Variants in METAP1D observed in about 807,000 individuals in gnomAD.
METAP1D encodes the protein methionyl aminopeptidase type 1D, mitochondrial.
METAP1D carries 31 observed loss-of-function variants against 40.5 expected under a neutral mutation model. The ratio of observed to expected loss-of-function variants is 0.77; its 90% CI spans 0.58 to 1.03. METAP1D has a LOEUF of 1.03. Ranked by LOEUF, METAP1D falls within the 50% of genes least tolerant of loss-of-function variation. The probability of loss-of-function intolerance (pLI) is 0.00; values close to 1 mark genes in which losing one functional copy is unlikely to be tolerated. For synonymous variants in METAP1D, 151 were observed against 146.4 expected, an observed-to-expected ratio of 1.03 and a Z score of -0.22; for missense variants, 411 against 420.7, an observed-to-expected ratio of 0.98 and a Z score of 0.20.
chr2:172,019,718 C>A (rs930764941), intron 1 of METAP1D, among the ~76,000 whole-genome samples: 2 of 152,140 alleles, frequency 1.3e-5, no homozygotes, highest in Admixed American at 6.6e-5. Context: ...ATTGTGCATG[C>A]CACTAATCTT....
chr2:172,030,146 A>G (rs1198947601), intron 1 of METAP1D, among the ~76,000 whole-genome samples: 2 of 150,732 alleles, frequency 1.3e-5, no homozygotes, highest in Admixed American at 6.6e-5. Context: ...CTAGAGTGCA[A>G]TGGTGTGATC....
At chr2:172,016,293 AAAAAAAAATATATATATAT>A (rs1439585927) in intron 1 of METAP1D, among the ~76,000 whole-genome samples, 2 of 81,702 alleles carry the variant, frequency 2.4e-5, no homozygotes, top group African/African-American at 7.7e-5. Flanking sequence ...AAAAAAAAAA[AAAAAAAAATATATATATAT>A]ATATATATAT....
At chr2:172,036,171 G>T (rs745383381) in intron 1 of METAP1D, among the ~76,000 whole-genome samples, 1 of 151,258 alleles carries the variant, frequency 6.6e-6, no homozygotes, top group Admixed American at 6.6e-5. Context: ...CAAAAAGTTA[G>T]CTGGGCGTGG....
At chr2:172,025,539 A>G (rs528049550) in intron 1 of METAP1D, among the ~76,000 whole-genome samples, 1 of 152,218 alleles carries the variant, frequency 6.6e-6, no homozygotes, top group South Asian at 2.1e-4. Flanking sequence ...CATGTTTCCC[A>G]GGCTGGTTTT....
intron 7 of METAP1D, among the ~76,000 whole-genome samples, chr2:172,078,532 G>C (rs1409213352): frequency 6.6e-6 from 1 of 152,206 alleles, no homozygotes; most frequent in Admixed American, 6.5e-5. Flanking sequence ...CCTGGACGGG[G>C]ATCAAAGGAA....
chr2:172,055,545 G>A (rs1443961517), intron 1 of METAP1D, among the ~76,000 whole-genome samples: 1 of 152,100 alleles, frequency 6.6e-6, no homozygotes, highest in Non-Finnish European at 1.5e-5. Flanking sequence ...CAGGCTAGTT[G>A]GAGGACCATT....
intron 1 of METAP1D, among the ~76,000 whole-genome samples, chr2:172,010,446 C>CTT (rs35703486): frequency 0.035 from 4,165 of 117,726 alleles, 126 homozygotes; most frequent in Admixed American, 0.091. Flanking sequence ...GCACCCAGCC[C>CTT]TTTTTTTTTT....
chr2:172,024,485 A>G (rs1441093633), intron 1 of METAP1D, among the ~76,000 whole-genome samples: 1 of 152,094 alleles, frequency 6.6e-6, no homozygotes, highest in Non-Finnish European at 1.5e-5. Flanking sequence ...CACAAAGCCC[A>G]ACCAATGACC....
At chr2:172,017,201 T>C (rs1348016820) in intron 1 of METAP1D, among the ~76,000 whole-genome samples, 1 of 150,054 alleles carries the variant, frequency 6.7e-6, no homozygotes, top group Non-Finnish European at 1.5e-5. Context: ...ATATTTTAAA[T>C]CTCCAAGAGT....
chr2:172,018,190 G>T (rs757649293), intron 1 of METAP1D, among the ~76,000 whole-genome samples: 2 of 150,300 alleles, frequency 1.3e-5, no homozygotes, highest in Admixed American at 1.3e-4. Flanking sequence ...AATATGACAC[G>T]TATAAGGGCA....
At chr2:172,036,131 C>A (rs1045646651) in intron 1 of METAP1D, among the ~76,000 whole-genome samples, 11 of 151,712 alleles carry the variant, frequency 7.3e-5, no homozygotes, top group Non-Finnish European at 5.9e-5. Context: ...TCCTGGCTAA[C>A]ACGGTGAAAC....
At chr2:172,068,374 A>C (rs917599553) in intron 5 of METAP1D, among the ~76,000 whole-genome samples, 11 of 152,104 alleles carry the variant, frequency 7.2e-5, no homozygotes, top group Non-Finnish European at 1.3e-4. Context: ...AGCCTGGGTG[A>C]CAGAGCGAGA....
At position 172,078,043 on chromosome 2, in the gene METAP1D, T is replaced by TA. The variant is rs370814719; in HGVS notation, c.802+149_802+150insA. 473 of 538,966 alleles carry TA rather than the reference T, an allele frequency of 8.8e-4. 1 individual carries two copies. Among genetic ancestry groups the TA allele is most frequent in the African/African-American group, 8.7e-3 (443 of 50,942 alleles). 33.4% of individuals were successfully genotyped at this position (538,966 alleles called of 1,614,324 possible). ...GTGCAGGGGGCAGGGGAGGGGGGTCTGCTTAATTTTAACCGGGACATTACT... is the reference window on the plus strand; with the variant it reads ...GTGCAGGGGGCAGGGGAGGGGGGTCTAGCTTAATTTTAACCGGGACATTACT... On this transcript the variant is annotated intron_variant, in intron 7 of 9. Transcript: ENST00000315796.
intron 1 of METAP1D, among the ~76,000 whole-genome samples, chr2:172,012,496 G>A (rs185628424): frequency 7.3e-4 from 111 of 152,240 alleles, no homozygotes; most frequent in African/African-American, 2.6e-3. Flanking sequence ...TAAAAAGAGA[G>A]CCCTTGAACA....
At chr2:172,002,067 T>TA (rs1688478947) in intron 1 of METAP1D, among the ~76,000 whole-genome samples, 2 of 146,198 alleles carry the variant, frequency 1.4e-5, no homozygotes, top group African/African-American at 2.5e-5. Flanking sequence ...AAAAAAGATC[T>TA]GGGTTCCAGT....
At chr2:172,011,642 C>T (rs1195092980) in intron 1 of METAP1D, among the ~76,000 whole-genome samples, 2 of 152,176 alleles carry the variant, frequency 1.3e-5, no homozygotes, top group Non-Finnish European at 2.9e-5. Context: ...TGGAATCATA[C>T]AACATGCAGT....
At chr2:172,000,430 TG>T (rs1688431813) in intron 1 of METAP1D, among the ~76,000 whole-genome samples, 1 of 151,600 alleles carries the variant, frequency 6.6e-6, no homozygotes, top group Non-Finnish European at 1.5e-5. Context: ...TTTGGGGACT[TG>T]CAAAATGTGA....
Position 172,045,383 on chromosome 2 carries a change from G to A in METAP1D, c.41-16115G>A, listed in dbSNP as rs1340604509. On this transcript the variant is annotated intron_variant, in intron 1 of 9. Transcript: ENST00000315796. ...CACTAAAAAGGATCCTATATAAGCCGGGCGCGGTGGCTCACCCCTGTAATC... is the reference window on the plus strand; with the variant it reads ...CACTAAAAAGGATCCTATATAAGCCAGGCGCGGTGGCTCACCCCTGTAATC... Among the ~76,000 whole-genome samples, 6 of 132,914 alleles carry A rather than the reference G, an allele frequency of 4.5e-5. 1 individual carries two copies. The highest frequency in any genetic ancestry group is 7.6e-5 in the African/African-American group (3 of 39,318). The allele number at this position is 132,914 out of a possible 152,430, so 87.2% of individuals were successfully genotyped here. A position where few individuals can be genotyped will look rare whatever the true frequency, so the allele number is the denominator to read the frequency against.
At chr2:172,078,585 T>G (rs1306341721) in intron 7 of METAP1D, among the ~76,000 whole-genome samples, 1 of 152,166 alleles carries the variant, frequency 6.6e-6, no homozygotes, top group African/African-American at 2.4e-5. Context: ...TGGACTTGAT[T>G]GGTCCATAGA....
Sources: allele counts gnomAD v4.1 joint callset (sites outside exome capture counted in the v4.1 genomes callset), GRCh38; gene constraint gnomAD v4.1.1; transcripts MANE v1.5; gene names NCBI Gene and HGNC (gene_info 2026-07-23, HGNC 2026-07-21).